Variants in ADTRP observed in about 807,000 individuals in gnomAD.
The protein encoded by ADTRP is androgen-dependent TFPI-regulating protein.
ADTRP carries 20 observed loss-of-function variants against 27.0 expected under a neutral mutation model. The observed-to-expected ratio is 0.74, with a 90% confidence interval of 0.52 to 1.08. The LOEUF is 1.08. ADTRP is among the 50% of genes least tolerant of loss of function. ADTRP has a pLI of 0.00. For missense variants in ADTRP, 251 were observed against 275.0 expected (o/e 0.91, Z 0.62); for synonymous variants, 101 against 105.2 (o/e 0.96, Z 0.25).
At chr6:11,729,459 T>G (rs1016709477) in intron 4 of ADTRP, among the ~76,000 whole-genome samples, 1 of 152,126 alleles carries the variant, frequency 6.6e-6, no homozygotes. Context: ...TACTACCTGG[T>G]AATTCCTTGC....
intron 3 of ADTRP, among the ~76,000 whole-genome samples, chr6:11,743,311 T>C (rs80044712): frequency 0.021 from 3,214 of 152,340 alleles, 108 homozygotes; most frequent in African/African-American, 0.074. Context: ...TGACTCTTTT[T>C]CTTGTGCACT....
At chr6:11,733,707 C>T (rs940436457) in intron 4 of ADTRP, among the ~76,000 whole-genome samples, 9 of 152,290 alleles carry the variant, frequency 5.9e-5, no homozygotes, top group Non-Finnish European at 8.8e-5. Context: ...CAGTGCCTGG[C>T]GCTGGTGAAC....
intron 5 of ADTRP, among the ~76,000 whole-genome samples, chr6:11,722,853 G>A (rs1762061343): frequency 6.6e-6 from 1 of 152,174 alleles, no homozygotes; most frequent in Non-Finnish European, 1.5e-5. Context: ...TCTGGTAAAT[G>A]TCTTATGGAA....
At chr6:11,762,428 G>A (rs1763422241) in intron 3 of ADTRP, among the ~76,000 whole-genome samples, 1 of 152,230 alleles carries the variant, frequency 6.6e-6, no homozygotes, top group Non-Finnish European at 1.5e-5. Context: ...ATCAATCATA[G>A]TGTCACACGC....
At chr6:11,730,226 T>A (rs1436329537) in intron 4 of ADTRP, among the ~76,000 whole-genome samples, 1 of 152,210 alleles carries the variant, frequency 6.6e-6, no homozygotes, top group Non-Finnish European at 1.5e-5. Context: ...GGCATCTTTT[T>A]AATTAATTTT....
chr6:11,769,970 G>C (rs764364031), intron 1 of ADTRP: 7 of 1,514,780 alleles, frequency 4.6e-6, no homozygotes, highest in African/African-American at 4.2e-5. Context: ...ACAACCTTAC[G>C]AGCCAAGTCC....
At chr6:11,733,423 T>C (rs1269761047) in intron 4 of ADTRP, among the ~76,000 whole-genome samples, 1 of 151,872 alleles carries the variant, frequency 6.6e-6, no homozygotes, top group Non-Finnish European at 1.5e-5. Context: ...CCTCAGCTCC[T>C]CCAGCCCTTT....
intron 4 of ADTRP, among the ~76,000 whole-genome samples, chr6:11,730,604 AG>A (rs1343309335): frequency 3.3e-5 from 5 of 152,188 alleles, no homozygotes; most frequent in Non-Finnish European, 5.9e-5. Flanking sequence ...TTTGTAAATG[AG>A]GCATGAATTT....
At chr6:11,765,136 GT>G (rs34958083) in intron 3 of ADTRP, among the ~76,000 whole-genome samples, 89,558 of 151,334 alleles carry the variant, frequency 0.59, 26,650 homozygotes, top group Non-Finnish European at 0.61. Flanking sequence ...GCTGAAATTA[GT>G]TTTTTTCTGG....
At chr6:11,718,251 G>A (rs1761896521) in intron 5 of ADTRP, among the ~76,000 whole-genome samples, 1 of 152,204 alleles carries the variant, frequency 6.6e-6, no homozygotes, top group Non-Finnish European at 1.5e-5. Context: ...CCATCAAGGG[G>A]CATAGGGAGA....
At chr6:11,739,806 AC>A (rs762296648) in intron 3 of ADTRP, among the ~76,000 whole-genome samples, 3 of 152,220 alleles carry the variant, frequency 2.0e-5, no homozygotes. Flanking sequence ...CATTGAGGTA[AC>A]ACATGGATCC....
At chr6:11,717,127 A>G in intron 5 of ADTRP, 1 of 632,266 alleles carries the variant, frequency 1.6e-6, no homozygotes, top group Non-Finnish European at 2.3e-6. Context: ...AATGGATTTT[A>G]AGTTGTAATT....
intron 2 of ADTRP, 138 bp from the exon 3 acceptor site, chr6:11,766,513 G>C (rs1438549046): frequency 9.5e-6 from 5 of 528,738 alleles, no homozygotes; most frequent in African/African-American, 7.8e-5. Context: ...TAGGAATGTA[G>C]TACATATACA....
intron 3 of ADTRP, among the ~76,000 whole-genome samples, chr6:11,741,343 G>A (rs892909384): frequency 6.6e-6 from 1 of 152,230 alleles, no homozygotes; most frequent in Non-Finnish European, 1.5e-5. Context: ...AGGTGACCCA[G>A]CTGTTCACTG....
intron 4 of ADTRP, chr6:11,728,308 CA>C (rs1762281747): frequency 6.5e-6 from 1 of 152,684 alleles, no homozygotes; most frequent in Non-Finnish European, 1.5e-5. Context: ...CAGTGAATCC[CA>C]GGATCCCAGC....
intron 3 of ADTRP, chr6:11,738,487 G>A (rs1762614801): frequency 6.6e-6 from 1 of 152,222 alleles, no homozygotes; most frequent in Non-Finnish European, 1.5e-5. Flanking sequence ...CTCTGCTGAA[G>A]CCAGGAAGAT....
At chr6:11,729,750 C>A (rs1214222892) in intron 4 of ADTRP, among the ~76,000 whole-genome samples, 1 of 152,166 alleles carries the variant, frequency 6.6e-6, no homozygotes, top group Non-Finnish European at 1.5e-5. Context: ...TATCCTGAAC[C>A]AATTAAACCA....
chr6:11,747,833 T>C (rs1762916326), intron 3 of ADTRP, among the ~76,000 whole-genome samples: 1 of 152,196 alleles, frequency 6.6e-6, no homozygotes, highest in Non-Finnish European at 1.5e-5. Context: ...CTGTTTCTCC[T>C]CTTCCCCTGA....
rs576679152 is a variant in ADTRP, at chr6:11,751,519, C to G, written c.390+14755G>C. 9.2e-5 allele frequency among the ~76,000 whole-genome samples: 14 copies of G among 152,284 alleles called. No homozygotes were observed. In the South Asian group the frequency reaches 2.9e-3, roughly 32 times the overall value. On this transcript the variant is annotated intron_variant, in intron 3 of 5. Coordinates refer to ENST00000414691, the MANE Select transcript of ADTRP (RefSeq NM_032744.4). ...GTCACTATCTGTAGCCCCTCACCCC[C>G]CAACACTCCAACAGGACCTTAGAAT...
Sources: allele counts gnomAD v4.1 joint callset (sites outside exome capture counted in the v4.1 genomes callset), GRCh38; gene constraint gnomAD v4.1.1; transcripts MANE v1.5; gene names NCBI Gene and HGNC (gene_info 2026-07-23, HGNC 2026-07-21).